Variants in WARS1 observed in about 807,000 individuals in gnomAD.
WARS1 encodes the protein tryptophanyl-tRNA synthetase 1, also known as tryptophan--tRNA ligase, cytoplasmic.
WARS1 carries 17 observed loss-of-function variants against 47.8 expected under a neutral mutation model. The ratio of observed to expected loss-of-function variants is 0.36; its 90% CI spans 0.24 to 0.53. The LOEUF (loss-of-function observed/expected upper bound fraction) is 0.53, where lower values mean the gene tolerates loss of function less well. WARS1 is among the 20% of genes least tolerant of loss of function. The pLI is 0.91. For missense variants in WARS1, 434 were observed against 608.0 expected (o/e 0.71, Z 3.01); for synonymous variants, 208 against 228.1 (o/e 0.91, Z 0.79).
intron 4 of WARS1, among the ~76,000 whole-genome samples, chr14:100,358,291 C>G (rs189777194): frequency 6.6e-6 from 1 of 152,122 alleles, no homozygotes; most frequent in Non-Finnish European, 1.5e-5. Context: ...CATCACCACA[C>G]CTGGCTAATT....
chr14:100,343,446 T>A, intron 7 of WARS1, 59 bp from the exon 8 acceptor site: 1 of 1,302,758 alleles, frequency 7.7e-7, no homozygotes, highest in South Asian at 1.4e-5. Flanking sequence ...GCTTAGTTAA[T>A]AAAGGAATGA....
At chr14:100,345,729 G>A (rs1392660706) in intron 7 of WARS1, among the ~76,000 whole-genome samples, 2 of 152,206 alleles carry the variant, frequency 1.3e-5, no homozygotes, top group African/African-American at 4.8e-5. Flanking sequence ...AAAGTGTTTA[G>A]TGTTTTGGAT....
intron 9 of WARS1, among the ~76,000 whole-genome samples, chr14:100,339,611 G>GA (rs1372862204): frequency 1.6e-5 from 2 of 123,058 alleles, no homozygotes; most frequent in African/African-American, 5.6e-5. Flanking sequence ...AAAAAAAAAG[G>GA]AAAAAAAAAG....
chr14:100,376,227 T>C (rs1196281189), upstream of WARS1: 10 of 379,940 alleles, frequency 2.6e-5, no homozygotes, highest in Admixed American at 4.0e-4. Flanking sequence ...CCTTGTTTCC[T>C]CACTCCGCCC....
intron 1 of WARS1, among the ~76,000 whole-genome samples, chr14:100,372,379 A>G (rs2140101395): frequency 6.6e-6 from 1 of 152,366 alleles, no homozygotes; most frequent in Non-Finnish European, 1.5e-5. Flanking sequence ...ATTTAATTCA[A>G]TGAAACTATA....
chr14:100,351,086 A>C (rs1894950002), intron 6 of WARS1, among the ~76,000 whole-genome samples: 1 of 152,144 alleles, frequency 6.6e-6, no homozygotes, highest in South Asian at 2.1e-4. Context: ...TCGTGTGCCA[A>C]GTGAAAGGTG....
intron 1 of WARS1, among the ~76,000 whole-genome samples, chr14:100,371,447 CAAAAAAAAAA>C (rs60977618): frequency 0.55 from 48,931 of 89,334 alleles, 11,866 homozygotes; most frequent in Admixed American, 0.7. Flanking sequence ...GGTTCTGTCT[CAAAAAAAAAA>C]AAAAAAAAAA....
chr14:100,370,162 C>T (rs754025274), intron 1 of WARS1, among the ~76,000 whole-genome samples: 7 of 152,160 alleles, frequency 4.6e-5, no homozygotes, highest in East Asian at 1.9e-4. Flanking sequence ...GTCCATTCCA[C>T]GTGCTGCCTT....
At chr14:100,339,563 C>T (rs1473063707) in intron 9 of WARS1, among the ~76,000 whole-genome samples, 1 of 124,830 alleles carries the variant, frequency 8.0e-6, no homozygotes, top group Non-Finnish European at 1.6e-5. Flanking sequence ...TGCACTCCAG[C>T]CTGGGCGACA....
chr14:100,338,742 T>A (rs1290236900), intron 9 of WARS1, among the ~76,000 whole-genome samples: 2 of 152,040 alleles, frequency 1.3e-5, no homozygotes, highest in African/African-American at 4.8e-5. Flanking sequence ...TCTTAACTTT[T>A]TTTTAATGGG....
At chr14:100,358,114 G>C (rs1895442016) in intron 4 of WARS1, among the ~76,000 whole-genome samples, 1 of 152,098 alleles carries the variant, frequency 6.6e-6, no homozygotes, top group Admixed American at 6.6e-5. Flanking sequence ...TCTTGAAAAA[G>C]AACCATGTTT....
chr14:100,342,226 C>G (rs1244196113), intron 9 of WARS1, 172 bp downstream of exon 9: 2 of 808,422 alleles, frequency 2.5e-6, no homozygotes, highest in East Asian at 2.7e-5. Context: ...GTGGGAAGGA[C>G]AGGCTGCCTT....
chr14:100,349,007 T>G (rs570464916), intron 6 of WARS1, among the ~76,000 whole-genome samples: 28 of 152,314 alleles, frequency 1.8e-4, no homozygotes, highest in African/African-American at 6.0e-4. Flanking sequence ...AAAGCAGCCA[T>G]GCCAGTGCCG....
chr14:100,336,860 GTA>G (rs1893766933), intron 10 of WARS1, 200 bp downstream of exon 10: 7 of 585,586 alleles, frequency 1.2e-5, no homozygotes, highest in Non-Finnish European at 2.0e-5. Context: ...ATAGTGATTT[GTA>G]TCTGCTCTTT....
chr14:100,375,740 G>C (rs970496381), upstream of WARS1: 2 of 152,206 alleles, frequency 1.3e-5, no homozygotes, highest in Non-Finnish European at 2.9e-5. Context: ...TAAATTCCCC[G>C]CATCTGTTCA....
intron 6 of WARS1, among the ~76,000 whole-genome samples, chr14:100,347,734 G>A (rs1894720324): frequency 6.6e-6 from 1 of 152,144 alleles, no homozygotes; most frequent in Non-Finnish European, 1.5e-5. Context: ...TCGCCACCAT[G>A]CCTGGCTAAT....
intron 10 of WARS1, among the ~76,000 whole-genome samples, chr14:100,336,212 C>T (rs1893716485): frequency 6.8e-6 from 1 of 147,214 alleles, no homozygotes; most frequent in African/African-American, 2.5e-5. Context: ...GGAGGCAGAG[C>T]TTGCAGTGAG....
Position 100,361,874 on chromosome 14 carries a change from G to A in WARS1, c.147C>T (p.Ser49=), listed in dbSNP as rs775614041. The part of the protein sequence containing the change: ...AVKMLVSLKM[S]YKAAAGEDYK... ...AATCCTCCCCCGCGGCAGCTTTGTA[G>A]CTCATTTTTAATGACACCAACATCT... The change falls in exon 3 of 11, where the codon AGC becomes AGT. Residue 49 remains serine, a synonymous_variant. Coordinates refer to ENST00000392882, the MANE Select transcript of WARS1 (RefSeq NM_004184.4). The A allele has an allele frequency of 1.9e-6, 3 of 1,614,172 alleles. No individual in the cohort carries two copies. In the South Asian group the frequency reaches 3.3e-5, roughly 18 times the overall value.
At position 100,335,871 on chromosome 14, in the gene WARS1, T is replaced by C. The variant is rs111848308; in HGVS notation, c.1255-835A>G. On this transcript the variant is annotated intron_variant, in intron 10 of 10. Coordinates refer to ENST00000392882, the MANE Select transcript of WARS1 (RefSeq NM_004184.4). ...GATTTTCTTCACATTTCTTTCCCTGTGCATTTCATTTAAACATAGTTAACT... is the reference window on the plus strand; with the variant it reads ...GATTTTCTTCACATTTCTTTCCCTGCGCATTTCATTTAAACATAGTTAACT... Among the ~76,000 whole-genome samples, 1,186 of 152,308 alleles carry C rather than the reference T, an allele frequency of 7.8e-3. 25 individuals carry two copies. Among genetic ancestry groups the C allele is most frequent in the African/African-American group, 0.027 (1,134 of 41,562 alleles).
Sources: allele counts gnomAD v4.1 joint callset (sites outside exome capture counted in the v4.1 genomes callset), GRCh38; gene constraint gnomAD v4.1.1; transcripts MANE v1.5; gene names NCBI Gene and HGNC (gene_info 2026-07-23, HGNC 2026-07-21).